ALDH3B1: variants seen among roughly 807,000 people sequenced by gnomAD.
ALDH3B1 encodes aldehyde dehydrogenase family 3 member B1.
Under a neutral mutation model 46.2 loss-of-function variants are expected in ALDH3B1, and 37 were observed. That is an observed-to-expected ratio of 0.80 (90% confidence interval 0.62 to 1.05). The LOEUF is 1.05. Ranked by LOEUF, ALDH3B1 falls within the 50% of genes least tolerant of loss-of-function variation. ALDH3B1 has a pLI of 0.00. For synonymous variants in ALDH3B1, 283 were observed against 281.0 expected, an observed-to-expected ratio of 1.01 and a Z score of -0.07; for missense variants, 603 against 665.5, an observed-to-expected ratio of 0.91 and a Z score of 1.03.
At chr11:68,015,098 T>G in intron 1 of ALDH3B1, 199 bp from the exon 2 acceptor site, 1 of 532,788 alleles carries the variant, frequency 1.9e-6, no homozygotes, top group Non-Finnish European at 3.2e-6. Context: ...GTGCTCACTG[T>G]TGGGTGAAAG....
intron 2 of ALDH3B1, chr11:68,018,315 C>G (rs1857397696): frequency 1.4e-5 from 8 of 576,536 alleles, no homozygotes; most frequent in Non-Finnish European, 2.5e-5. Flanking sequence ...AACGACTGCC[C>G]CCTGCAAGGT....
chr11:68,012,969 G>C (rs1857264782), intron 1 of ALDH3B1, among the ~76,000 whole-genome samples: 1 of 152,134 alleles, frequency 6.6e-6, no homozygotes. Context: ...AAATGAGCGA[G>C]GGCAGGCATG....
At chr11:68,024,019 A>G (rs986286864) in intron 8 of ALDH3B1, among the ~76,000 whole-genome samples, 7 of 151,266 alleles carry the variant, frequency 4.6e-5, no homozygotes, top group Non-Finnish European at 8.8e-5. Context: ...ACTACACTCT[A>G]GACTTTATTT....
chr11:68,017,278 C>T (rs1323971618), intron 2 of ALDH3B1: 1 of 152,328 alleles, frequency 6.6e-6, no homozygotes, highest in Non-Finnish European at 1.5e-5. Context: ...AAGGCACCTT[C>T]CCCCAGCCTC....
At chr11:68,027,481 C>A (rs186159926) in intron 9 of ALDH3B1, among the ~76,000 whole-genome samples, 2 of 152,214 alleles carry the variant, frequency 1.3e-5, no homozygotes, top group African/African-American at 4.8e-5. Context: ...GCAGCAGGGC[C>A]AGAGTTTAAC....
Position 68,021,693 on chromosome 11 carries a change from G to A in ALDH3B1, c.771G>A (p.Gln257=). ...ACGTCCTATGCAGCCCTGAGATGCA[G>A]GAGAGGCTGCTGCCTGCCCTGCAGA... The part of the protein sequence containing the change: ...PDYVLCSPEM[Q]ERLLPALQST... The change falls in exon 7 of 10, where the codon CAG becomes CAA. Residue 257 remains glutamine, a synonymous_variant. Transcript: ENST00000342456. The A allele has an allele frequency of 6.2e-7, 1 of 1,614,068 alleles. No homozygotes were observed. The highest frequency in any genetic ancestry group is 8.5e-7 in the Non-Finnish European group (1 of 1,179,976).
In ALDH3B1 at chr11:68,028,035, G is replaced by A. The variant is rs760340602; in HGVS notation, c.*96G>A. 9 of 1,504,658 alleles carry A rather than the reference G, an allele frequency of 6.0e-6. No individual in the cohort carries two copies. In the Admixed American group the frequency reaches 6.7e-5, roughly 11 times the overall value. 93.2% of individuals were successfully genotyped at this position (1,504,658 alleles called of 1,614,324 possible). The stretch of plus-strand genomic sequence containing the variant: ...GGCTCCCGGGCCCGAGGAGGAAAAG[G>A]ATTGCCAAGGCTCCAGGGCACCCCT... On this transcript the variant is annotated 3_prime_UTR_variant, in exon 10 of 10. Coordinates refer to ENST00000342456, the MANE Select transcript of ALDH3B1 (RefSeq NM_000694.4).
intron 2 of ALDH3B1, chr11:68,015,690 G>T (rs770611518): frequency 2.9e-6 from 2 of 701,640 alleles, no homozygotes; most frequent in South Asian, 3.0e-5. Flanking sequence ...CTAGGCTCTG[G>T]GGATATAGCA....
At chr11:68,019,637 G>T in intron 5 of ALDH3B1, 78 bp from the exon 6 acceptor site, 1 of 1,518,816 alleles carries the variant, frequency 6.6e-7, no homozygotes, top group Non-Finnish European at 9.0e-7. Flanking sequence ...GCAGGGCAGG[G>T]TCCAGGCAGG....
chr11:68,015,909 T>A (rs1857341797), intron 2 of ALDH3B1: 12 of 299,816 alleles, frequency 4.0e-5, no homozygotes, highest in South Asian at 3.3e-4. Context: ...CTACTAACAA[T>A]ACAAAAATTA....
rs1051762194 is a variant in ALDH3B1 at position 68,029,245 on chromosome 11, T to C, written c.*1306T>C. On this transcript the variant is annotated 3_prime_UTR_variant, in exon 10 of 10. Transcript: ENST00000342456. ...TTTCGTCTCCTGTCTCTCTGGCTGA[T>C]GTCACCTGAATAAAGCCTTCTTCCC... The C allele has an allele frequency of 1.3e-5, 2 of 152,254 alleles. No homozygotes were observed. The highest frequency in any genetic ancestry group is 2.4e-5 in the African/African-American group (1 of 41,454). The allele number at this position is 152,254 out of a possible 1,614,324, so 9.4% of individuals were successfully genotyped here. A position where few individuals can be genotyped will look rare whatever the true frequency, so the allele number is the denominator to read the frequency against.
intron 2 of ALDH3B1, chr11:68,017,173 C>T (rs1210988013): frequency 6.6e-6 from 1 of 152,410 alleles, no homozygotes; most frequent in African/African-American, 2.4e-5. Flanking sequence ...ATAGCCCAGT[C>T]TCCCAAAGTC....
In ALDH3B1 at chr11:68,018,820, G is replaced by C; in HGVS notation, c.321G>C (p.Leu107=). 1.3e-6 allele frequency: 2 copies of C among 1,564,676 alleles called. No individual in the cohort carries two copies. The highest frequency in any genetic ancestry group is 8.7e-7 in the Non-Finnish European group (1 of 1,155,046). The change falls in exon 4 of 10, where the codon CTG becomes CTC. Residue 107 remains leucine (L), a synonymous_variant. Transcript: ENST00000342456. ...SAFIRKEPFG[L]VLIIAPWNYP... is the part of the protein sequence containing the mutation. ...TCATCCGGAAGGAGCCCTTTGGCCT[G>C]GTCCTCATCATTGCGCCCTGGAACT...
intron 9 of ALDH3B1, among the ~76,000 whole-genome samples, chr11:68,027,378 C>T (rs1008155133): frequency 6.6e-6 from 1 of 152,162 alleles, no homozygotes; most frequent in African/African-American, 2.4e-5. Flanking sequence ...CTCAACATCC[C>T]CTCAATCCCC....
Position 68,022,718 on chromosome 11 carries a change from G to T in ALDH3B1, c.1073G>T (p.Arg358Leu). ...LDEAIEFINR[R>L]EKPLALYAFS... Reference sequence around the variant, plus strand: ...GAGGCCATCGAGTTCATCAACCGGCGGGAGAAGCCCCTGGCCCTGTACGCC... The same window carrying T: ...GAGGCCATCGAGTTCATCAACCGGCTGGAGAAGCCCCTGGCCCTGTACGCC... Residue 358 changes from arginine to leucine, a missense_variant, in exon 8 of 10, where the codon CGG becomes CTG. Physicochemically the swap from Arg to Leu is moderately radical, Grantham distance 102. Coordinates refer to ENST00000342456, the MANE Select transcript of ALDH3B1 (RefSeq NM_000694.4). 1 of 1,614,146 alleles carries T rather than the reference G, an allele frequency of 6.2e-7. No homozygotes were observed. The highest frequency in any genetic ancestry group is 8.5e-7 in the Non-Finnish European group (1 of 1,180,014).
rs776073423 is a variant in ALDH3B1, at chr11:68,019,246, C to A, written c.471C>A (p.Tyr157Ter). ...TCCTGGCCGAGGTGCTGCCCCAATA[C>A]GTGGACCAGGTGAGCAGGGCTGCCG... Reference protein sequence around the residue: ...EKILAEVLPQYVDQSCFAVVL... With the variant: ...EKILAEVLPQ The change falls in exon 5 of 10, where the codon TAC (tyrosine) becomes TAA (stop). Residue 157 changes from tyrosine (Y) to a stop codon, truncating the protein, a stop_gained. Coordinates refer to ENST00000342456, the MANE Select transcript of ALDH3B1 (RefSeq NM_000694.4). LOFTEE classifies it high-confidence loss of function. The A allele has an allele frequency of 6.2e-7, 1 of 1,612,874 alleles. No homozygotes were observed.
upstream of ALDH3B1, chr11:68,008,645 C>G (rs1033794746): frequency 6.6e-6 from 1 of 152,316 alleles, no homozygotes; most frequent in African/African-American, 2.4e-5. Context: ...TATCTAATCA[C>G]GGGCCACCGG....
chr11:68,019,086 T>G (rs1350307699), intron 4 of ALDH3B1, 84 bp from the exon 5 acceptor site: 1 of 1,492,556 alleles, frequency 6.7e-7, no homozygotes, highest in African/African-American at 1.4e-5. Context: ...TGAAAGTGGG[T>G]GAGGCTGATG....
chr11:68,015,424 C>T lies in ALDH3B1; in HGVS notation c.127C>T (p.Leu43Phe). 6.4e-7 allele frequency: 1 copy of T among 1,560,782 alleles called. No homozygotes were observed. The highest frequency in any genetic ancestry group is 8.7e-7 in the Non-Finnish European group (1 of 1,152,766). Residue 43 changes from leucine (L) to phenylalanine (F), a missense_variant, in exon 2 of 10, where the codon CTT becomes TTT. Physicochemically the swap from Leu to Phe is conservative, Grantham distance 22. Transcript: ENST00000342456. Reference sequence around the variant, plus strand: ...CCGCTTCCTGCAAGAAAACAAGCAGCTTCTGCACGACGCACTGGCCCAGGA... The same window carrying T: ...CCGCTTCCTGCAAGAAAACAAGCAGTTTCTGCACGACGCACTGGCCCAGGA... ...LGRFLQENKQLLHDALAQDLH... is the reference protein window; with the variant it reads ...LGRFLQENKQFLHDALAQDLH...
Sources: gnomAD v4.1 joint callset for allele counts (sites outside exome capture counted in the v4.1 genomes callset) on GRCh38, gnomAD v4.1.1 for gene constraint, MANE v1.5 for transcripts, NCBI Gene and HGNC (gene_info 2026-07-23, HGNC 2026-07-21) for gene names.